FLVCR2: variants seen among roughly 807,000 people sequenced by gnomAD.
FLVCR2 encodes the protein choline/ethanolamine transporter FLVCR2.
Under a neutral mutation model 48.9 loss-of-function variants are expected in FLVCR2, and 38 were observed. The ratio of observed to expected loss-of-function variants is 0.78; its 90% CI spans 0.60 to 1.02. The LOEUF (loss-of-function observed/expected upper bound fraction) is 1.02, where lower values mean the gene tolerates loss of function less well. Among genes scored for constraint, FLVCR2 ranks in the 50% least tolerant of loss-of-function variants. FLVCR2 has a pLI of 0.00. For synonymous variants in FLVCR2, 255 were observed against 257.0 expected (o/e 0.99, Z 0.07); for missense variants, 664 against 663.3 (o/e 1.00, Z -0.01).
intron 9 of FLVCR2, 138 bp from the exon 10 acceptor site, chr14:75,646,263 T>C (rs1890418887): frequency 1.5e-6 from 1 of 683,786 alleles, no homozygotes; most frequent in Non-Finnish European, 2.7e-6. Context: ...TCTTGTTCTC[T>C]TTCTTGGCTC....
intron 5 of FLVCR2, among the ~76,000 whole-genome samples, chr14:75,636,342 A>G (rs886504813): frequency 3.3e-5 from 5 of 152,054 alleles, no homozygotes; most frequent in Admixed American, 6.5e-5. Flanking sequence ...GCTCGGCTTA[A>G]TTACTGCTGG....
intron 5 of FLVCR2, among the ~76,000 whole-genome samples, chr14:75,635,875 G>A (rs1314024817): frequency 6.6e-6 from 1 of 152,094 alleles, no homozygotes; most frequent in Non-Finnish European, 1.5e-5. Context: ...TGTTTTATCG[G>A]TGTGCACATG....
intron 1 of FLVCR2, among the ~76,000 whole-genome samples, chr14:75,601,972 A>C (rs1301966124): frequency 6.6e-6 from 1 of 152,240 alleles, no homozygotes; most frequent in Non-Finnish European, 1.5e-5. Context: ...CAACTCACAG[A>C]ACTCAGGAAA....
chr14:75,639,461 G>T lies in FLVCR2; in HGVS notation c.1234G>T (p.Gly412Cys). The change falls in exon 6 of 10, where the codon GGC (glycine) becomes TGC (cysteine). Residue 412 changes from glycine (G) to cysteine (C), a missense_variant and splice_region_variant. Transcript: ENST00000238667. The part of the protein sequence containing the change: ...WVVFITAGTM[G>C]FFMTGYLPLG... ...AGTGTTCATCACTGCTGGCACAATG[G>T]GGTAAGTTTCACCTCTGGCTGATTT... is the stretch of plus-strand genomic sequence containing the variant. 1 of 1,602,606 alleles carries T rather than the reference G, an allele frequency of 6.2e-7. No homozygotes were observed. Among genetic ancestry groups the T allele is most frequent in the Non-Finnish European group, 8.6e-7 (1 of 1,169,586 alleles).
rs1890440554 is a variant in FLVCR2 at position 75,647,175 on chromosome 14, T to G, written c.*703T>G. 1 of 153,286 alleles carries G rather than the reference T, an allele frequency of 6.5e-6. No homozygotes were observed. The highest frequency in any genetic ancestry group is 2.0e-4 in the South Asian group (1 of 4,924). The allele number at this position is 153,286 out of a possible 1,614,324, so 9.5% of individuals were successfully genotyped here. A position where few individuals can be genotyped will look rare whatever the true frequency, so the allele number is the denominator to read the frequency against. On this transcript the variant is annotated 3_prime_UTR_variant, in exon 10 of 10. Coordinates refer to ENST00000238667, the MANE Select transcript of FLVCR2 (RefSeq NM_017791.3). Reference sequence around the variant, plus strand: ...GCTACCTACCTAGGTGTGATCATGCTGGGGGCTACCTTCTGAGTATATTTG... The same window carrying G: ...GCTACCTACCTAGGTGTGATCATGCGGGGGGCTACCTTCTGAGTATATTTG...
intron 1 of FLVCR2, among the ~76,000 whole-genome samples, chr14:75,581,890 G>A (rs2140001300): frequency 6.6e-6 from 1 of 152,268 alleles, no homozygotes; most frequent in Middle Eastern, 3.4e-3. Context: ...TAAGAGGCGG[G>A]AACCCACATG....
chr14:75,585,442 G>A (rs949212845), intron 1 of FLVCR2, among the ~76,000 whole-genome samples: 4 of 152,190 alleles, frequency 2.6e-5, no homozygotes, highest in East Asian at 3.9e-4. Context: ...GTGAGTTGAA[G>A]AGGTTTTAAG....
intron 1 of FLVCR2, among the ~76,000 whole-genome samples, chr14:75,608,743 G>A (rs537605100): frequency 4.5e-4 from 68 of 152,290 alleles, no homozygotes; most frequent in African/African-American, 1.6e-3. Context: ...TCTCTCTCCA[G>A]AATTCTTATA....
chr14:75,606,229 G>A (rs115326148), intron 1 of FLVCR2, among the ~76,000 whole-genome samples: 2,533 of 152,156 alleles, frequency 0.017, 79 homozygotes, highest in African/African-American at 0.058. Context: ...GTTTTGCCAC[G>A]TTGCCAGGGC....
chr14:75,622,059 G>A lies in FLVCR2; in HGVS notation c.670-20G>A. 6.2e-7 allele frequency: 1 copy of A among 1,614,000 alleles called. No individual in the cohort carries two copies. The highest frequency in any genetic ancestry group is 8.5e-7 in the Non-Finnish European group (1 of 1,179,922). On this transcript the variant is annotated intron_variant, in intron 1 of 9. Transcript: ENST00000238667. ...CTTGGCCATTGGTAACTGTGATTGG[G>A]TTGTCTCTGTCTTCTATAGCTTGGA...
chr14:75,616,307 C>G (rs559313395), intron 1 of FLVCR2, among the ~76,000 whole-genome samples: 2 of 151,056 alleles, frequency 1.3e-5, no homozygotes, highest in Admixed American at 1.3e-4. Context: ...AGCCTGGCGA[C>G]AGAGTGAGAC....
rs533456479 is a variant in FLVCR2 at position 75,613,780 on chromosome 14, A to G, written c.670-8299A>G. Among the ~76,000 whole-genome samples the G allele has an allele frequency of 3.5e-4, 53 of 152,224 alleles. 1 individual carries two copies. The highest frequency in any genetic ancestry group is 3.4e-3 in the Middle Eastern group (1 of 294). ...TGGCCAGGCTGGTCTCAAACTCCTGACCTCAAATGATCCACCCACCTTGGC... is the reference window on the plus strand; with the variant it reads ...TGGCCAGGCTGGTCTCAAACTCCTGGCCTCAAATGATCCACCCACCTTGGC... On this transcript the variant is annotated intron_variant, in intron 1 of 9. Coordinates refer to ENST00000238667, the MANE Select transcript of FLVCR2 (RefSeq NM_017791.3).
At chr14:75,617,600 G>T (rs868595510) in intron 1 of FLVCR2, among the ~76,000 whole-genome samples, 13 of 152,244 alleles carry the variant, frequency 8.5e-5, no homozygotes, top group Middle Eastern at 3.4e-3. Context: ...TAGCCTTCCT[G>T]CATCTCAGCT....
intron 1 of FLVCR2, among the ~76,000 whole-genome samples, chr14:75,611,232 G>A (rs1051144860): frequency 3.9e-5 from 6 of 152,122 alleles, no homozygotes; most frequent in African/African-American, 1.2e-4. Flanking sequence ...TGCTTCCTCC[G>A]ACAGCTACAC....
chr14:75,579,760 T>A, intron 1 of FLVCR2, 119 bp downstream of exon 1: 1 of 1,130,124 alleles, frequency 8.8e-7, no homozygotes, highest in Non-Finnish European at 1.3e-6. Context: ...TGGGTGACAG[T>A]AACTGGGTGT....
At chr14:75,585,556 G>C (rs1245441924) in intron 1 of FLVCR2, among the ~76,000 whole-genome samples, 1 of 152,168 alleles carries the variant, frequency 6.6e-6, no homozygotes, top group African/African-American at 2.4e-5. Context: ...ACACAGAGAA[G>C]GGGGTGGGGA....
rs1468587452 is a variant in FLVCR2, at chr14:75,579,098, C to A, written c.126C>A (p.Asn42Lys). The A allele has an allele frequency of 6.2e-7, 1 of 1,613,988 alleles. No homozygotes were observed. The highest frequency in any genetic ancestry group is 1.1e-5 in the South Asian group (1 of 91,078). ...SVSVHPSVSINPSVSVHPSSS... is the reference protein window; with the variant it reads ...SVSVHPSVSIKPSVSVHPSSS... ...CGGTCCATCCCAGCGTCTCCATCAA[C>A]CCCAGCGTCTCTGTCCACCCCAGCA... The change falls in exon 1 of 10, where the codon AAC (asparagine) becomes AAA (lysine). Residue 42 changes from asparagine to lysine, a missense_variant. Asn to Lys is a moderately conservative substitution (Grantham distance 94). Transcript: ENST00000238667.
rs562785017 is a variant in FLVCR2, at chr14:75,627,971, T to C, written c.952+3219T>C. Among the ~76,000 whole-genome samples, 40 of 152,364 alleles carry C rather than the reference T, an allele frequency of 2.6e-4. 1 individual carries two copies. In the South Asian group the frequency reaches 8.1e-3, roughly 31 times the overall value. On this transcript the variant is annotated intron_variant, in intron 3 of 9. Transcript: ENST00000238667. ...AAAACAAACCCATGACATAGCCCTT[T>C]GTTTCATTTTATACATGAGGAAACT...
At chr14:75,619,790 T>C (rs1889717620) in intron 1 of FLVCR2, among the ~76,000 whole-genome samples, 1 of 152,116 alleles carries the variant, frequency 6.6e-6, no homozygotes, top group Non-Finnish European at 1.5e-5. Flanking sequence ...ACCTGCTGCC[T>C]GGAGAAGGCT....
Sources: gnomAD v4.1 joint callset for allele counts (sites outside exome capture counted in the v4.1 genomes callset) on GRCh38, gnomAD v4.1.1 for gene constraint, MANE v1.5 for transcripts, NCBI Gene and HGNC (gene_info 2026-07-23, HGNC 2026-07-21) for gene names.